Variants in RPS6KA1 observed in about 807,000 individuals in gnomAD.
RPS6KA1 encodes ribosomal protein S6 kinase A1, also known as ribosomal protein S6 kinase alpha-1.
In RPS6KA1, 48 loss-of-function variants were observed where a neutral mutation model predicts 91.3. The observed-to-expected ratio is 0.53, with a 90% CI of 0.42 to 0.67. The LOEUF is 0.67. Among genes scored for constraint, RPS6KA1 ranks in the 30% least tolerant of loss-of-function variants. The probability of loss-of-function intolerance (pLI) is 0.00; values close to 1 mark genes in which losing one functional copy is unlikely to be tolerated. For synonymous variants in RPS6KA1, 359 were observed against 384.7 expected, an observed-to-expected ratio of 0.93 and a Z score of 0.78; for missense variants, 719 against 960.5, an observed-to-expected ratio of 0.75 and a Z score of 3.32.
rs2076279919 is a variant in RPS6KA1, at chr1:26,574,525, A to AG, written c.*328dup. On this transcript the variant is annotated 3_prime_UTR_variant, in exon 22 of 22. Coordinates refer to ENST00000374168, the MANE Select transcript of RPS6KA1 (RefSeq NM_002953.4). The surrounding 1 kb of genome is among the most constrained non-coding windows in gnomAD (Gnocchi z 4.3). Reference sequence around the variant, plus strand: ...CAGAAACAGCCATTGCGGCCCCAGGAGGGGAACTGAGTCACGCTGGGGCTC... The same window carrying AG: ...CAGAAACAGCCATTGCGGCCCCAGGAGGGGGAACTGAGTCACGCTGGGGCTC... The AG allele has an allele frequency of 1.6e-5, 8 of 493,110 alleles. No individual in the cohort carries two copies. Among genetic ancestry groups the AG allele is most frequent in the Non-Finnish European group, 2.9e-5 (7 of 244,882 alleles). 30.5% of individuals were successfully genotyped at this position (493,110 alleles called of 1,614,324 possible).
intron 1 of RPS6KA1, among the ~76,000 whole-genome samples, chr1:26,533,577 G>A (rs1027940697): frequency 1.2e-4 from 19 of 152,228 alleles, no homozygotes; most frequent in South Asian, 8.3e-4. Context: ...GTGGTGGTGC[G>A]GCCTATATTC....
intron 13 of RPS6KA1, among the ~76,000 whole-genome samples, chr1:26,557,701 GT>G (rs1160525173): frequency 6.6e-6 from 1 of 152,070 alleles, no homozygotes; most frequent in East Asian, 1.9e-4. Flanking sequence ...GGGGTGGAAT[GT>G]TCTGGGAAAC....
chr1:26,552,081 A>G (rs978290635), intron 6 of RPS6KA1, among the ~76,000 whole-genome samples: 1 of 152,186 alleles, frequency 6.6e-6, no homozygotes, highest in Non-Finnish European at 1.5e-5. Flanking sequence ...ATCCAAAAGG[A>G]TTTTGAACCA....
rs907450236 is a variant in RPS6KA1 at position 26,571,053 on chromosome 1, C to T, written c.1591-396C>T. ...AGGAGAATTGCTTGAACCCGGGAGG[C>T]GGAGGCTGCAGTGATCTGAGGTCGT... On this transcript the variant is annotated intron_variant, in intron 17 of 21. Transcript: ENST00000374168. This position sits in a 1 kb window ranked among gnomAD's most constrained non-coding sequence, Gnocchi z 5.1. Among the ~76,000 whole-genome samples, 2 of 152,046 alleles carry T rather than the reference C, an allele frequency of 1.3e-5. No homozygotes were observed. The highest frequency in any genetic ancestry group is 2.1e-4 in the South Asian group (1 of 4,814).
chr1:26,548,567 G>A (rs544590705), intron 4 of RPS6KA1, among the ~76,000 whole-genome samples: 6 of 152,258 alleles, frequency 3.9e-5, no homozygotes, highest in African/African-American at 1.4e-4. Context: ...GAAAGCTGAG[G>A]CGAGTGGATC....
chr1:26,530,975 GCTGAGATGA>G, intron 1 of RPS6KA1: 1 of 1,058,372 alleles, frequency 9.4e-7, no homozygotes, highest in South Asian at 2.0e-5. Flanking sequence ...GAGCCCAGGA[GCTGAGATGA>G]CTTTCTCCCA....
At chr1:26,530,073 G>C in intron 1 of RPS6KA1, 90 bp downstream of exon 1, 2 of 940,518 alleles carry the variant, frequency 2.1e-6, no homozygotes, top group Non-Finnish European at 2.8e-6. Context: ...GCTGCAGTCC[G>C]GCGGGCGCCC....
chr1:26,566,920 C>T (rs17380266), intron 17 of RPS6KA1, among the ~76,000 whole-genome samples: 4,078 of 152,334 alleles, frequency 0.027, 100 homozygotes, highest in Non-Finnish European at 0.039. Context: ...CATCCTCTCA[C>T]GCTGCTCCTG....
chr1:26,559,002 C>G, intron 14 of RPS6KA1, 65 bp downstream of exon 14: 1 of 1,559,828 alleles, frequency 6.4e-7, no homozygotes, highest in Non-Finnish European at 8.7e-7. Flanking sequence ...TACACAGGCT[C>G]TGAGTTGGAC....
chr1:26,542,171 A>C (rs985720813), intron 2 of RPS6KA1, among the ~76,000 whole-genome samples: 1 of 152,168 alleles, frequency 6.6e-6, no homozygotes, highest in East Asian at 1.9e-4. Flanking sequence ...CCTCCCACAA[A>C]GTAGCTACCT....
chr1:26,547,378 A>G lies in RPS6KA1; in HGVS notation c.307+108A>G, dbSNP rs1161346208. The G allele has an allele frequency of 5.9e-6, 5 of 840,394 alleles. No individual in the cohort carries two copies. The highest frequency in any genetic ancestry group is 5.1e-5 in the African/African-American group (3 of 58,790). 52.1% of individuals were successfully genotyped at this position (840,394 alleles called of 1,614,324 possible). A position where few individuals can be genotyped will look rare whatever the true frequency, so the allele number is the denominator to read the frequency against. On this transcript the variant is annotated intron_variant, in intron 4 of 21. Coordinates refer to ENST00000374168, the MANE Select transcript of RPS6KA1 (RefSeq NM_002953.4). The surrounding 1 kb of genome is among the most constrained non-coding windows in gnomAD (Gnocchi z 4.1). ...GGGAGACAGCTCTGTCTTCAGGAGC[A>G]CCTAGTTCAAAGGTGGAGAAACAGG...
intron 17 of RPS6KA1, among the ~76,000 whole-genome samples, chr1:26,570,553 C>T (rs1263225356): frequency 1.3e-5 from 2 of 152,058 alleles, no homozygotes; most frequent in African/African-American, 2.4e-5. Context: ...GGTGGTTCAG[C>T]CCCCTCAAGT....
intron 17 of RPS6KA1, among the ~76,000 whole-genome samples, chr1:26,564,314 A>G (rs1292195437): frequency 6.6e-6 from 1 of 152,098 alleles, no homozygotes; most frequent in Non-Finnish European, 1.5e-5. Flanking sequence ...GCTGGAGTGC[A>G]GTGGCACGAT....
Position 26,554,601 on chromosome 1 carries a change from G to A in RPS6KA1, c.619G>A (p.Gly207Ser), listed in dbSNP as rs750745569. ...TCCTGCCCTCCTTGCTGTAGACTTTGGCCTGAGCAAAGAGGCCATTGACCA... is the reference window on the plus strand; with the variant it reads ...TCCTGCCCTCCTTGCTGTAGACTTTAGCCTGAGCAAAGAGGCCATTGACCA... ...EEGHIKLTDF[G>S]LSKEAIDHEK... The change falls in exon 9 of 22, where the codon GGC becomes AGC. Residue 207 changes from glycine to serine, a missense_variant. Transcript: ENST00000374168. This position sits in a 1 kb window ranked among gnomAD's most constrained non-coding sequence, Gnocchi z 4.6. 1.2e-6 allele frequency: 2 copies of A among 1,612,256 alleles called. No homozygotes were observed. The highest frequency in any genetic ancestry group is 2.2e-5 in the South Asian group (2 of 90,968).
Position 26,551,314 on chromosome 1 carries a change from G to C in RPS6KA1, c.308-83G>C, listed in dbSNP as rs1255237204. The C allele has an allele frequency of 8.0e-7, 1 of 1,255,974 alleles. No homozygotes were observed. Among genetic ancestry groups the C allele is most frequent in the Non-Finnish European group, 1.2e-6 (1 of 861,978 alleles). The allele number at this position is 1,255,974 out of a possible 1,614,324, so 77.8% of individuals were successfully genotyped here. A position where few individuals can be genotyped will look rare whatever the true frequency, so the allele number is the denominator to read the frequency against. Reference sequence around the variant, plus strand: ...GAGCTCAGGCCTGGAGGAACAAGTGGAAAAGAGATCCCTTAGCGGGGGCTT... The same window carrying C: ...GAGCTCAGGCCTGGAGGAACAAGTGCAAAAGAGATCCCTTAGCGGGGGCTT... On this transcript the variant is annotated intron_variant, in intron 4 of 21. Transcript: ENST00000374168. The surrounding 1 kb of genome is among the most constrained non-coding windows in gnomAD (Gnocchi z 4.5).
chr1:26,534,752 T>C (rs1032383104), intron 1 of RPS6KA1, among the ~76,000 whole-genome samples: 2 of 152,166 alleles, frequency 1.3e-5, no homozygotes, highest in African/African-American at 2.4e-5. Context: ...ACTAACCTTC[T>C]AGGGGTCACG....
At chr1:26,530,459 C>A (rs1323709979) in intron 1 of RPS6KA1, among the ~76,000 whole-genome samples, 1 of 152,228 alleles carries the variant, frequency 6.6e-6, no homozygotes, top group Non-Finnish European at 1.5e-5. Flanking sequence ...TGACCCCTGG[C>A]GGATGCGGAG....
At chr1:26,545,775 A>AT (rs1435158697) in intron 2 of RPS6KA1, 6 of 1,338,502 alleles carry the variant, frequency 4.5e-6, no homozygotes, top group Non-Finnish European at 5.8e-6. Context: ...GCCCTGAGTG[A>AT]TTGGCTGCCC....
At position 26,551,550 on chromosome 1, in the gene RPS6KA1, C is replaced by T. The variant is rs2076050192; in HGVS notation, c.388+73C>T. The T allele has an allele frequency of 1.9e-6, 3 of 1,599,436 alleles. No individual in the cohort carries two copies. Among genetic ancestry groups the T allele is most frequent in the Non-Finnish European group, 2.6e-6 (3 of 1,166,778 alleles). ...CCTTGCCTGTGGTCTGTACACTGTC[C>T]CACCGCCTGCCTGGCAGGCCAAGGG... On this transcript the variant is annotated intron_variant, in intron 5 of 21. Transcript: ENST00000374168. The surrounding 1 kb of genome is among the most constrained non-coding windows in gnomAD (Gnocchi z 4.5).
Sources: gnomAD v4.1 joint callset for allele counts (sites outside exome capture counted in the v4.1 genomes callset) on GRCh38, gnomAD v4.1.1 for gene constraint, Gnocchi (gnomAD v3.1) non-coding constraint, MANE v1.5 for transcripts, NCBI Gene and HGNC (gene_info 2026-07-23, HGNC 2026-07-21) for gene names.